The following MUC4 variants were observed in gnomAD, a reference collection of about 807,000 sequenced individuals.
MUC4 encodes the protein mucin 4, cell surface associated.
In MUC4, 202 loss-of-function variants were observed where a neutral mutation model predicts 257.9. The observed-to-expected ratio is 0.78, with a 90% CI of 0.70 to 0.88. The LOEUF is 0.88. MUC4 is among the 40% of genes least tolerant of loss of function. The pLI is 0.00. For synonymous variants in MUC4, 2,351 were observed against 2,757.1 expected (o/e 0.85, Z 4.62); for missense variants, 5,976 against 6,513.7 (o/e 0.92, Z 2.84).
At chr3:195,794,984 A>T (rs1734394973) in intron 1 of MUC4, among the ~76,000 whole-genome samples, 1 of 152,242 alleles carries the variant, frequency 6.6e-6, no homozygotes, top group South Asian at 2.1e-4. Flanking sequence ...CCCTGGCTTA[A>T]TCCAAAATGA....
chr3:195,778,564 T>G, intron 2 of MUC4, 109 bp from the exon 3 acceptor site: 1 of 1,449,318 alleles, frequency 6.9e-7, no homozygotes, highest in Non-Finnish European at 9.4e-7. Context: ...AAACTCCTTG[T>G]CTCTCCCCTG....
chr3:195,766,583 C>T, intron 8 of MUC4, 80 bp downstream of exon 8: 1 of 1,305,100 alleles, frequency 7.7e-7, no homozygotes, highest in Non-Finnish European at 1.1e-6. Flanking sequence ...GAGGTGCCCT[C>T]TAGGACTGCG....
At position 195,789,484 on chromosome 3, in the gene MUC4, G is replaced by T. The variant is rs1733577851; in HGVS notation, c.2096C>A (p.Pro699His). Residue 699 changes from proline to histidine, a missense_variant, in exon 2 of 25, where the codon CCC (proline) becomes CAC (histidine). This residue lies in a region of MUC4 where 1,583 missense variants were observed against 1,257.4 expected (regional missense o/e 1.26). Coordinates refer to ENST00000463781, the MANE Select transcript of MUC4 (RefSeq NM_018406.7). ...ISAATTFAPA[P>H]TGDGHTTQAP... The stretch of plus-strand genomic sequence containing the variant: ...CTGGGTTGTGTGACCATCCCCGGTG[G>T]GAGCTGGGGCAAAGGTTGTTGCTGC... The T allele has an allele frequency of 6.2e-7, 1 of 1,613,856 alleles. No homozygotes were observed. Among genetic ancestry groups the T allele is most frequent in the Non-Finnish European group, 8.5e-7 (1 of 1,179,896 alleles).
rs564335489 is a variant in MUC4 at position 195,810,788 on chromosome 3, C to T, written c.82+948G>A. Among the ~76,000 whole-genome samples the T allele has an allele frequency of 5.3e-5, 8 of 152,246 alleles. No homozygotes were observed. The East Asian group carries it at 9.7e-4, about 18-fold the overall frequency. On this transcript the variant is annotated intron_variant, in intron 1 of 24. Coordinates refer to ENST00000463781, the MANE Select transcript of MUC4 (RefSeq NM_018406.7). The surrounding 1 kb of genome is among the most constrained non-coding windows in gnomAD (Gnocchi z 4.2). ...ATTCCCAGGGTCCTCAGTTTGTCTGCGTCTCACCTGTCTCGTCCTCTCACC... is the reference window on the plus strand; with the variant it reads ...ATTCCCAGGGTCCTCAGTTTGTCTGTGTCTCACCTGTCTCGTCCTCTCACC...
rs1458609116 is a variant in MUC4 at position 195,786,905 on chromosome 3, A to G, written c.4675T>C (p.Ser1559Pro). 25 of 1,506,816 alleles carry G rather than the reference A, an allele frequency of 1.7e-5. No individual in the cohort carries two copies. The highest frequency in any genetic ancestry group is 2.2e-5 in the Non-Finnish European group (25 of 1,118,106). 93.3% of individuals were successfully genotyped at this position (1,506,816 alleles called of 1,614,324 possible). A position where few individuals can be genotyped will look rare whatever the true frequency, so the allele number is the denominator to read the frequency against. The change falls in exon 2 of 25, where the codon TCC becomes CCC. Residue 1559 changes from serine (S) to proline (P), a missense_variant. Ser to Pro is a moderately conservative substitution (Grantham distance 74). Transcript: ENST00000463781. ...GTGGTGTGACCTGTGGATACTGAGG[A>G]AGCGTCGGTGACAGGAAGAGGGGTG... Reference protein sequence around the residue: ...DTTPLPVTDASSVSTGHTTPL... With the variant: ...DTTPLPVTDAPSVSTGHTTPL...
chr3:195,803,679 T>C (rs1372799620), intron 1 of MUC4, among the ~76,000 whole-genome samples: 8 of 152,214 alleles, frequency 5.3e-5, no homozygotes, highest in Non-Finnish European at 7.3e-5. Flanking sequence ...AGCGGCCCCA[T>C]TTCACAGGCA....
At chr3:195,761,443 C>T in intron 15 of MUC4, 41 bp downstream of exon 15, 1 of 1,518,294 alleles carries the variant, frequency 6.6e-7, no homozygotes, top group Non-Finnish European at 9.1e-7. Context: ...TACCGGCTCC[C>T]CTCACCTGCC....
In MUC4 at chr3:195,790,629, G is replaced by A. The variant is rs1325909587; in HGVS notation, c.951C>T (p.Asp317=). The A allele has an allele frequency of 1.2e-6, 2 of 1,613,908 alleles. No homozygotes were observed. Among genetic ancestry groups the A allele is most frequent in the Admixed American group, 3.3e-5 (2 of 59,998 alleles). Residue 317 remains aspartate (D), a synonymous_variant, in exon 2 of 25, where the codon GAC becomes GAT. Coordinates refer to ENST00000463781, the MANE Select transcript of MUC4 (RefSeq NM_018406.7). ...GGTGGTTCTTAGAAAAAGCTGTTGT[G>A]TCCTGAGTAGAAGTCCTTGAGAAAG... The part of the protein sequence containing the change: ...PATFSRTSTQ[D]TTAFSKNHQT...
At chr3:195,778,243 G>A in intron 3 of MUC4, 60 bp downstream of exon 3, 1 of 1,520,910 alleles carries the variant, frequency 6.6e-7, no homozygotes, top group Non-Finnish European at 8.8e-7. Context: ...AGTAGGCTGA[G>A]AGGGAGCCTT....
At chr3:195,801,652 G>T (rs145026009) in intron 1 of MUC4, among the ~76,000 whole-genome samples, 2 of 151,988 alleles carry the variant, frequency 1.3e-5, no homozygotes, top group African/African-American at 4.8e-5. Flanking sequence ...CGCACTGCTC[G>T]CTCTGCCCCC....
intron 1 of MUC4, among the ~76,000 whole-genome samples, chr3:195,795,611 G>A (rs925171833): frequency 2.0e-5 from 3 of 152,038 alleles, no homozygotes; most frequent in Non-Finnish European, 2.9e-5. Flanking sequence ...AAAAAGGAAA[G>A]GAAGCAAGAC....
intron 5 of MUC4, 71 bp downstream of exon 5, chr3:195,771,581 C>A: frequency 6.4e-7 from 1 of 1,550,898 alleles, no homozygotes; most frequent in Non-Finnish European, 8.8e-7. Context: ...CTGGCAAAGC[C>A]TTCCACACAG....
At chr3:195,751,316 CGG>C in intron 21 of MUC4, 45 bp from the exon 22 acceptor site, 1 of 1,455,360 alleles carries the variant, frequency 6.9e-7, no homozygotes, top group Non-Finnish European at 9.5e-7. Context: ...AGGCCCCATC[CGG>C]GGGGGAGACG....
At chr3:195,775,035 C>T (rs578249473) in intron 3 of MUC4, among the ~76,000 whole-genome samples, 1 of 152,054 alleles carries the variant, frequency 6.6e-6, no homozygotes, top group Non-Finnish European at 1.5e-5. Flanking sequence ...CCAATTTAAC[C>T]TAGGACTCCC....
intron 21 of MUC4, chr3:195,752,138 T>A: frequency 1.8e-6 from 1 of 547,644 alleles, no homozygotes; most frequent in South Asian, 2.7e-5. Flanking sequence ...TGCTTAGAGG[T>A]CTCGGCTGGG....
At position 195,791,344 on chromosome 3, in the gene MUC4, G is replaced by A. The variant is rs199655578; in HGVS notation, c.236C>T (p.Thr79Ile). 5.3e-5 allele frequency: 86 copies of A among 1,613,898 alleles called. No individual in the cohort carries two copies. Among genetic ancestry groups the A allele is most frequent in the Non-Finnish European group, 6.9e-5 (81 of 1,179,904 alleles). Reference sequence around the variant, plus strand: ...TTTGCTGGTGGTCTCCGTGCTCTTAGTCTGGTGGTTCTGAGATGAAGCTGA... The same window carrying A: ...TTTGCTGGTGGTCTCCGTGCTCTTAATCTGGTGGTTCTGAGATGAAGCTGA... ...DISASSQNHQ[T>I]KSTETTSKAQ... Residue 79 changes from threonine to isoleucine, a missense_variant, in exon 2 of 25, where the codon ACT becomes ATT. By Grantham distance (89) the Thr-to-Ile change is moderately conservative. Transcript: ENST00000463781.
chr3:195,762,567 A>AACGCACCGGGCCCTGCACCGCC (rs772886048), intron 13 of MUC4, among the ~76,000 whole-genome samples: 1 of 87,960 alleles, frequency 1.1e-5, no homozygotes, highest in African/African-American at 4.4e-5. Flanking sequence ...CCTGCACCGC[A>AACGCACCGGGCCCTGCACCGCC]ACGCACCGGG....
intron 21 of MUC4, chr3:195,751,645 A>G: frequency 2.8e-6 from 1 of 357,474 alleles, no homozygotes; most frequent in Non-Finnish European, 5.2e-6. Flanking sequence ...GGGGGTGTCA[A>G]GGTGACTTAG....
chr3:195,772,904 G>A (rs1210572729), intron 4 of MUC4, among the ~76,000 whole-genome samples: 12 of 131,020 alleles, frequency 9.2e-5, no homozygotes, highest in African/African-American at 3.0e-4. Context: ...TCCCTTCATC[G>A]CTCAGGGGTG....
Sources: allele counts gnomAD v4.1 joint callset (sites outside exome capture counted in the v4.1 genomes callset), GRCh38; gene constraint gnomAD v4.1.1; regional missense constraint gnomAD v4.1.1; non-coding constraint Gnocchi (gnomAD v3.1); transcripts MANE v1.5; gene names NCBI Gene and HGNC (gene_info 2026-07-23, HGNC 2026-07-21).